Variants in CADPS2 observed in about 807,000 individuals in gnomAD.
The protein encoded by CADPS2 is calcium dependent secretion activator 2, also known as calcium-dependent secretion activator 2.
A neutral mutation model predicts 172.5 loss-of-function variants in CADPS2; 93 were observed. The observed-to-expected ratio is 0.54, with a 90% CI of 0.46 to 0.64. The LOEUF (loss-of-function observed/expected upper bound fraction) is 0.64. Among genes scored for constraint, CADPS2 ranks in the 30% least tolerant of loss-of-function variants. The pLI, the probability that CADPS2 is intolerant of heterozygous loss-of-function variation, is 0.00. For missense variants in CADPS2, 1,420 were observed against 1,565.9 expected, an observed-to-expected ratio of 0.91 and a Z score of 1.57; for synonymous variants, 546 against 555.2, an observed-to-expected ratio of 0.98 and a Z score of 0.23.
chr7:122,883,055 A>G (rs1823366326), intron 1 of CADPS2, among the ~76,000 whole-genome samples: 1 of 152,298 alleles, frequency 6.6e-6, no homozygotes, highest in East Asian at 1.9e-4. Context: ...TATTCCTCAA[A>G]ATTGAAATAG....
intron 20 of CADPS2, among the ~76,000 whole-genome samples, chr7:122,403,923 T>C (rs1405755045): frequency 6.6e-6 from 1 of 152,192 alleles, no homozygotes; most frequent in Non-Finnish European, 1.5e-5. Context: ...TAAAATAAAT[T>C]ACAATATTTT....
At chr7:122,487,429 A>G (rs535674764) in intron 11 of CADPS2, among the ~76,000 whole-genome samples, 15 of 152,202 alleles carry the variant, frequency 9.9e-5, no homozygotes, top group Non-Finnish European at 1.6e-4. Context: ...GTATGCCTGT[A>G]TAAAGACCTC....
chr7:122,449,092 T>C (rs747149815), intron 15 of CADPS2, among the ~76,000 whole-genome samples: 24 of 152,280 alleles, frequency 1.6e-4, no homozygotes, highest in Non-Finnish European at 3.1e-4. Context: ...CAAGTGAGCA[T>C]GCAAATTTAT....
intron 2 of CADPS2, 106 bp from the exon 3 acceptor site, chr7:122,663,675 C>T: frequency 2.6e-6 from 2 of 760,090 alleles, no homozygotes; most frequent in Non-Finnish European, 4.2e-6. Context: ...ACAAATATTT[C>T]AGCCAAATAC....
Position 122,658,651 on chromosome 7 carries a change from C to T in CADPS2, c.786+4586G>A, listed in dbSNP as rs565747331. Among the ~76,000 whole-genome samples, 68 of 152,206 alleles carry T rather than the reference C, an allele frequency of 4.5e-4. 1 individual carries two copies. Among genetic ancestry groups the T allele is most frequent in the South Asian group, 1.0e-3 (5 of 4,820 alleles). ...ATCGCAAGGACAGAAAACCAAACAC[C>T]ACATGTTCTCACTCATAGGTGGGAA... On this transcript the variant is annotated intron_variant, in intron 3 of 29. Transcript: ENST00000449022.
intron 3 of CADPS2, among the ~76,000 whole-genome samples, chr7:122,652,214 T>C (rs2135012144): frequency 6.6e-6 from 1 of 152,310 alleles, no homozygotes; most frequent in Non-Finnish European, 1.5e-5. Context: ...TCCTATTATT[T>C]AACACAATGC....
chr7:122,871,405 A>G (rs190919817), intron 1 of CADPS2, among the ~76,000 whole-genome samples: 2 of 152,126 alleles, frequency 1.3e-5, no homozygotes, highest in African/African-American at 2.4e-5. Flanking sequence ...ATTTTTAATT[A>G]TTATAAAACA....
At chr7:122,479,544 A>G (rs2057058481) in intron 12 of CADPS2, among the ~76,000 whole-genome samples, 1 of 152,210 alleles carries the variant, frequency 6.6e-6, no homozygotes. Flanking sequence ...CACCTTTATT[A>G]TTGACCAAAT....
intron 8 of CADPS2, among the ~76,000 whole-genome samples, chr7:122,514,408 T>C: frequency 6.6e-6 from 1 of 152,134 alleles, no homozygotes; most frequent in South Asian, 2.1e-4. Flanking sequence ...ACTAAAATCT[T>C]AGGCTGAATC....
chr7:122,809,648 T>A (rs1249787330), intron 1 of CADPS2, among the ~76,000 whole-genome samples: 1 of 151,762 alleles, frequency 6.6e-6, no homozygotes, highest in African/African-American at 2.4e-5. Flanking sequence ...AATATTTTGG[T>A]CTAATTTGGC....
intron 2 of CADPS2, chr7:122,702,045 T>G: frequency 6.2e-7 from 1 of 1,613,622 alleles, no homozygotes; most frequent in South Asian, 1.1e-5. Flanking sequence ...AGCTGGTCAA[T>G]AGCTTTCTTC....
rs2040895586 is a variant in CADPS2, at chr7:122,366,623, A to T, written c.3388-5610T>A. On this transcript the variant is annotated intron_variant, in intron 25 of 29. Coordinates refer to ENST00000449022, the MANE Select transcript of CADPS2 (RefSeq NM_017954.11). ...CCATCTCAAAAATACACACACACAC[A>T]CACACACACACACACACACACACAT... is the stretch of plus-strand genomic sequence containing the variant. 2.8e-5 allele frequency among the ~76,000 whole-genome samples: 4 copies of T among 143,380 alleles called. No homozygotes were observed. The South Asian group carries it at 8.8e-4, about 31-fold the overall frequency. The allele number at this position is 143,380 out of a possible 152,430, so 94.1% of individuals were successfully genotyped here.
chr7:122,484,873 T>G (rs1307551628), intron 11 of CADPS2, among the ~76,000 whole-genome samples: 1 of 152,146 alleles, frequency 6.6e-6, no homozygotes, highest in African/African-American at 2.4e-5. Flanking sequence ...TGGTGTCACT[T>G]TTTTAACAAC....
At chr7:122,839,692 C>T (rs1193373918) in intron 1 of CADPS2, among the ~76,000 whole-genome samples, 4 of 152,204 alleles carry the variant, frequency 2.6e-5, no homozygotes, top group African/African-American at 4.8e-5. Context: ...CTCATCACCA[C>T]TGGTCATCAG....
At chr7:122,854,119 G>T (rs973695696) in intron 1 of CADPS2, among the ~76,000 whole-genome samples, 1 of 152,154 alleles carries the variant, frequency 6.6e-6, no homozygotes, top group Non-Finnish European at 1.5e-5. Context: ...CAGCATTTTG[G>T]GAGGCTGAGG....
chr7:122,703,098 G>A (rs1243054754), intron 2 of CADPS2: 1 of 207,528 alleles, frequency 4.8e-6, no homozygotes, highest in Admixed American at 5.3e-5. Flanking sequence ...TAAGCAATGA[G>A]TCAAGATACA....
chr7:122,772,022 C>A (rs2093719475), intron 1 of CADPS2, among the ~76,000 whole-genome samples: 1 of 152,022 alleles, frequency 6.6e-6, no homozygotes, highest in Admixed American at 6.6e-5. Flanking sequence ...AGGAGATGGA[C>A]AGAGGAAGAG....
At chr7:122,874,141 T>C in intron 1 of CADPS2, among the ~76,000 whole-genome samples, 1 of 152,244 alleles carries the variant, frequency 6.6e-6, no homozygotes, top group East Asian at 1.9e-4. Flanking sequence ...TTTCTTTTGC[T>C]GTGCAGAAAC....
At chr7:122,801,871 G>A (rs1000634221) in intron 1 of CADPS2, among the ~76,000 whole-genome samples, 7 of 151,764 alleles carry the variant, frequency 4.6e-5, no homozygotes, top group Admixed American at 2.0e-4. Context: ...TTACAGGCGT[G>A]AGCCACTCTG....
Sources: allele counts gnomAD v4.1 joint callset (sites outside exome capture counted in the v4.1 genomes callset), GRCh38; gene constraint gnomAD v4.1.1; transcripts MANE v1.5; gene names NCBI Gene and HGNC (gene_info 2026-07-23, HGNC 2026-07-21).